COL28A1: variants seen among roughly 807,000 people sequenced by gnomAD.
The protein encoded by COL28A1 is collagen alpha-1(XXVIII) chain.
Under a neutral mutation model 150.2 loss-of-function variants are expected in COL28A1, and 161 were observed. The ratio of observed to expected loss-of-function variants is 1.07; its 90% CI spans 0.94 to 1.22. COL28A1 has a LOEUF of 1.22. Among genes scored for constraint, COL28A1 ranks in the 50% most tolerant of loss-of-function variants. The pLI, the probability that COL28A1 is intolerant of heterozygous loss-of-function variation, is 0.00. For synonymous variants in COL28A1, 552 were observed against 469.7 expected, an observed-to-expected ratio of 1.18 and a Z score of -2.26; for missense variants, 1,617 against 1,388.3, an observed-to-expected ratio of 1.16 and a Z score of -2.62.
intron 13 of COL28A1, among the ~76,000 whole-genome samples, chr7:7,488,772 A>G (rs1779759630): frequency 6.6e-6 from 1 of 152,230 alleles, no homozygotes; most frequent in Admixed American, 6.5e-5. Flanking sequence ...AAAGAAATCC[A>G]TTATAAAGTA....
chr7:7,455,003 G>A (rs1787029656), intron 16 of COL28A1, among the ~76,000 whole-genome samples: 1 of 152,050 alleles, frequency 6.6e-6, no homozygotes, highest in Non-Finnish European at 1.5e-5. Context: ...GCTGTTGTTT[G>A]GACTAGCAAG....
At chr7:7,341,186 A>G in the COL28A1 span, among the ~76,000 whole-genome samples, 3 of 152,148 alleles carry the variant, frequency 2.0e-5, no homozygotes, top group Non-Finnish European at 4.4e-5. Context: ...TATGATGTAG[A>G]AGGAGGATAT....
intron 27 of COL28A1, among the ~76,000 whole-genome samples, chr7:7,404,537 AG>A (rs369055990): frequency 5.0e-4 from 76 of 152,056 alleles, no homozygotes; most frequent in African/African-American, 1.7e-3. Context: ...CTGCCTCTAT[AG>A]GACCTTTGCA....
intron 20 of COL28A1, among the ~76,000 whole-genome samples, chr7:7,443,332 A>G (rs1785960460): frequency 6.6e-6 from 1 of 152,176 alleles, no homozygotes; most frequent in African/African-American, 2.4e-5. Context: ...TTTAAATGTC[A>G]ATCTGACCAT....
In COL28A1 at chr7:7,517,972, A is replaced by T. The variant is rs886220477; in HGVS notation, c.814-135T>A. 4.2e-6 allele frequency: 5 copies of T among 1,183,184 alleles called. No individual in the cohort carries two copies. The Admixed American group carries it at 1.4e-4, about 32-fold the overall frequency. 73.3% of individuals were successfully genotyped at this position (1,183,184 alleles called of 1,614,324 possible). A position where few individuals can be genotyped will look rare whatever the true frequency, so the allele number is the denominator to read the frequency against. On this transcript the variant is annotated intron_variant, in intron 6 of 34. Transcript: ENST00000399429. ...TTTAGTCTTTCCCGTTGACATTTTCACTATGCAATCTAGGCAAAAAAAAAA... is the reference window on the plus strand; with the variant it reads ...TTTAGTCTTTCCCGTTGACATTTTCTCTATGCAATCTAGGCAAAAAAAAAA...
At chr7:7,406,900 C>T (rs957168046) in intron 27 of COL28A1, among the ~76,000 whole-genome samples, 8 of 151,576 alleles carry the variant, frequency 5.3e-5, no homozygotes, top group Non-Finnish European at 1.0e-4. Flanking sequence ...ATAGGAATAC[C>T]TTAGAAGCTT....
At chr7:7,417,476 A>G (rs1784143836) in intron 27 of COL28A1, among the ~76,000 whole-genome samples, 1 of 120,748 alleles carries the variant, frequency 8.3e-6, no homozygotes, top group African/African-American at 3.2e-5. Flanking sequence ...TGGAGGATAC[A>G]GGTGAGGAAG....
chr7:7,534,812 T>A (rs1782556642), intron 1 of COL28A1, among the ~76,000 whole-genome samples: 1 of 152,116 alleles, frequency 6.6e-6, no homozygotes, highest in South Asian at 2.1e-4. Flanking sequence ...TCCCAGTATC[T>A]CATATTTTGT....
intron 2 of COL28A1, 127 bp downstream of exon 2, chr7:7,532,625 A>G: frequency 8.2e-7 from 1 of 1,221,954 alleles, no homozygotes; most frequent in Non-Finnish European, 1.1e-6. Flanking sequence ...ATATAATTTT[A>G]TCAAAGTAGA....
At chr7:7,415,930 G>T (rs1784053207) in intron 27 of COL28A1, among the ~76,000 whole-genome samples, 1 of 152,150 alleles carries the variant, frequency 6.6e-6, no homozygotes, top group Non-Finnish European at 1.5e-5. Context: ...AGCCTCCTGA[G>T]TAGTTGGGAC....
the COL28A1 span, among the ~76,000 whole-genome samples, chr7:7,348,318 G>C: frequency 2.0e-5 from 3 of 152,174 alleles, no homozygotes; most frequent in Middle Eastern, 3.4e-3. Flanking sequence ...CAAAACTCCA[G>C]CTTCTCCCCT....
chr7:7,388,660 C>T (rs1164094535), intron 27 of COL28A1, among the ~76,000 whole-genome samples: 1 of 152,162 alleles, frequency 6.6e-6, no homozygotes, highest in African/African-American at 2.4e-5. Flanking sequence ...ACATCCTCTC[C>T]AGCATCTGTA....
chr7:7,458,333 T>C (rs1367002254), intron 15 of COL28A1, among the ~76,000 whole-genome samples: 1 of 151,900 alleles, frequency 6.6e-6, no homozygotes, highest in East Asian at 1.9e-4. Flanking sequence ...GGAGAATCAT[T>C]TGAACCGGGG....
intron 27 of COL28A1, among the ~76,000 whole-genome samples, chr7:7,387,536 T>C (rs1782261847): frequency 6.6e-6 from 1 of 152,056 alleles, no homozygotes; most frequent in Non-Finnish European, 1.5e-5. Context: ...TAGGAGTAAA[T>C]GGGTACCAAA....
chr7:7,493,821 T>A (rs1780056088), intron 11 of COL28A1, among the ~76,000 whole-genome samples: 1 of 151,336 alleles, frequency 6.6e-6, no homozygotes, highest in Non-Finnish European at 1.5e-5. Context: ...ATTCCTTTCC[T>A]GTTAATATTC....
chr7:7,536,541 G>C (rs941794726), upstream of COL28A1, among the ~76,000 whole-genome samples: 1 of 151,968 alleles, frequency 6.6e-6, no homozygotes, highest in African/African-American at 2.4e-5. Flanking sequence ...TCCACTCCCT[G>C]TTTCCCTATT....
intron 27 of COL28A1, among the ~76,000 whole-genome samples, chr7:7,393,316 T>TG (rs1782653052): frequency 1.3e-5 from 2 of 152,236 alleles, no homozygotes; most frequent in Non-Finnish European, 2.9e-5. Flanking sequence ...GACTGCCACC[T>TG]GTTCAATCCT....
the COL28A1 span, among the ~76,000 whole-genome samples, chr7:7,340,086 A>G: frequency 1.3e-5 from 2 of 151,830 alleles, no homozygotes; most frequent in Admixed American, 6.6e-5. Flanking sequence ...TGCCTCTCAG[A>G]TTCAAGCGGT....
chr7:7,398,797 C>T (rs1782992728), intron 27 of COL28A1, among the ~76,000 whole-genome samples: 1 of 152,256 alleles, frequency 6.6e-6, no homozygotes, highest in Non-Finnish European at 1.5e-5. Flanking sequence ...AAGGATGTCT[C>T]GAATGCTGTC....
Sources: allele counts gnomAD v4.1 joint callset (sites outside exome capture counted in the v4.1 genomes callset), GRCh38; gene constraint gnomAD v4.1.1; transcripts MANE v1.5; gene names NCBI Gene and HGNC (gene_info 2026-07-23, HGNC 2026-07-21).